Variants in MAPK14 observed in about 807,000 individuals in gnomAD.
MAPK14 encodes CSAID-binding protein.
MAPK14 carries 16 observed loss-of-function variants against 49.6 expected under a neutral mutation model. The ratio of observed to expected loss-of-function variants is 0.32; its 90% confidence interval spans 0.22 to 0.49. The LOEUF (loss-of-function observed/expected upper bound fraction) is 0.49, where lower values mean the gene tolerates loss of function less well. Ranked by LOEUF, MAPK14 falls within the 20% of genes least tolerant of loss-of-function variation. The pLI is 0.99. For missense variants in MAPK14, 200 were observed against 441.2 expected (o/e 0.45, Z 4.90); for synonymous variants, 142 against 158.0 (o/e 0.90, Z 0.76).
At chr6:36,031,940 T>G (rs1762559734) in intron 1 of MAPK14, among the ~76,000 whole-genome samples, 1 of 152,094 alleles carries the variant, frequency 6.6e-6, no homozygotes, top group Non-Finnish European at 1.5e-5. Flanking sequence ...CTCCGAATTT[T>G]ATTTTATTTA....
downstream of MAPK14, among the ~76,000 whole-genome samples, chr6:36,111,445 ACTAT>A (rs60599806): frequency 4.6e-5 from 7 of 152,302 alleles, no homozygotes; most frequent in East Asian, 1.9e-4. Context: ...GACATTTGAG[ACTAT>A]CTATAAGCCA....
At chr6:36,045,114 C>T (rs1763119204) in intron 1 of MAPK14, among the ~76,000 whole-genome samples, 2 of 150,702 alleles carry the variant, frequency 1.3e-5, no homozygotes, top group South Asian at 4.2e-4. Context: ...GCCTGGATGA[C>T]AGAGTGAGAC....
downstream of MAPK14, among the ~76,000 whole-genome samples, chr6:36,111,695 G>T (rs1223924924): frequency 6.6e-6 from 1 of 152,090 alleles, no homozygotes; most frequent in Non-Finnish European, 1.5e-5. Context: ...GGTGTCCTTG[G>T]AATGACACCC....
rs1765921278 is a variant in MAPK14 at position 36,110,123 on chromosome 6, C to T, written c.*1676C>T. ...TCAGGCATTTTGTTCTACATGAGGA[C>T]TCATATATTTAAGCCTTTTGTGTAA... On this transcript the variant is annotated 3_prime_UTR_variant, in exon 12 of 12. Coordinates refer to ENST00000229794, the MANE Select transcript of MAPK14 (RefSeq NM_139012.3). The T allele has an allele frequency of 6.6e-6, 1 of 152,200 alleles. No individual in the cohort carries two copies. Among genetic ancestry groups the T allele is most frequent in the Non-Finnish European group, 1.5e-5 (1 of 68,044 alleles). 9.4% of individuals were successfully genotyped at this position (152,200 alleles called of 1,614,324 possible). A position where few individuals can be genotyped will look rare whatever the true frequency, so the allele number is the denominator to read the frequency against.
intron 10 of MAPK14, among the ~76,000 whole-genome samples, chr6:36,105,311 C>T (rs557584218): frequency 1.3e-5 from 2 of 152,128 alleles, no homozygotes; most frequent in African/African-American, 4.8e-5. Flanking sequence ...GGCACAGTCA[C>T]GGTTCATGAT....
intron 5 of MAPK14, 59 bp from the exon 6 acceptor site, chr6:36,073,990 G>A (rs1272475413): frequency 2.4e-6 from 3 of 1,235,326 alleles, no homozygotes; most frequent in African/African-American, 3.0e-5. Context: ...TTACCTGTAG[G>A]GGGAGAATTG....
chr6:36,092,402 G>C, intron 8 of MAPK14: 2 of 683,014 alleles, frequency 2.9e-6, no homozygotes, highest in Non-Finnish European at 5.4e-6. Flanking sequence ...TTGGTGGTCA[G>C]GACTGTTTCA....
chr6:36,096,430 G>A (rs954337351), intron 9 of MAPK14: 5 of 188,192 alleles, frequency 2.7e-5, no homozygotes, highest in Non-Finnish European at 3.3e-5. Context: ...GAAGTTTCAC[G>A]TATGCTCTAG....
At chr6:36,054,148 G>A (rs1763505233) in intron 2 of MAPK14, among the ~76,000 whole-genome samples, 1 of 152,170 alleles carries the variant, frequency 6.6e-6, no homozygotes, top group Non-Finnish European at 1.5e-5. Flanking sequence ...TTTAAGGGAT[G>A]TGTTTGCGTT....
intron 1 of MAPK14, among the ~76,000 whole-genome samples, chr6:36,047,417 G>C (rs1308778347): frequency 6.6e-6 from 1 of 152,154 alleles, no homozygotes; most frequent in Non-Finnish European, 1.5e-5. Context: ...AGTAGCACAG[G>C]AACAGGTGGA....
the MAPK14 span, among the ~76,000 whole-genome samples, chr6:36,116,517 A>C: frequency 6.6e-6 from 1 of 152,184 alleles, no homozygotes; most frequent in South Asian, 2.1e-4. Context: ...TTCCACCTTC[A>C]TGAATGTCCA....
At chr6:36,031,359 C>T (rs1762536884) in intron 1 of MAPK14, among the ~76,000 whole-genome samples, 1 of 152,022 alleles carries the variant, frequency 6.6e-6, no homozygotes, top group South Asian at 2.1e-4. Context: ...TGGCAGAAAA[C>T]ATTTTTTGGA....
At chr6:36,070,082 G>A (rs1764209697) in intron 3 of MAPK14, among the ~76,000 whole-genome samples, 1 of 152,134 alleles carries the variant, frequency 6.6e-6, no homozygotes, top group Non-Finnish European at 1.5e-5. Context: ...CTGTGATTAG[G>A]ACAGAATACT....
At chr6:36,124,017 GT>G in the MAPK14 span, among the ~76,000 whole-genome samples, 3 of 151,966 alleles carry the variant, frequency 2.0e-5, no homozygotes, top group Admixed American at 1.3e-4. Flanking sequence ...CCACCAGGGG[GT>G]GCTAAAGCTG....
intron 3 of MAPK14, 132 bp downstream of exon 3, chr6:36,059,479 G>A (rs1763720028): frequency 1.5e-6 from 1 of 681,618 alleles, no homozygotes; most frequent in African/African-American, 1.8e-5. Context: ...CTCTTTTTGG[G>A]TGTAGGGATG....
the MAPK14 span, among the ~76,000 whole-genome samples, chr6:36,120,926 C>T: frequency 6.6e-6 from 1 of 152,158 alleles, no homozygotes; most frequent in Non-Finnish European, 1.5e-5. Context: ...GACACTCGTG[C>T]CCTCAAGAAC....
intron 1 of MAPK14, among the ~76,000 whole-genome samples, chr6:36,050,266 C>G (rs1420956498): frequency 1.3e-5 from 2 of 152,086 alleles, no homozygotes; most frequent in African/African-American, 4.8e-5. Flanking sequence ...TGATTATAAT[C>G]ATGGAACAGG....
At chr6:36,035,242 C>T (rs987849721) in intron 1 of MAPK14, among the ~76,000 whole-genome samples, 7 of 152,066 alleles carry the variant, frequency 4.6e-5, no homozygotes, top group African/African-American at 1.4e-4. Flanking sequence ...CGGCAGTTCT[C>T]GCAATATTTC....
chr6:36,118,377 C>T, the MAPK14 span, among the ~76,000 whole-genome samples: 3 of 152,182 alleles, frequency 2.0e-5, no homozygotes, highest in Non-Finnish European at 2.9e-5. Flanking sequence ...TGGAGTTGTT[C>T]GTTGTTTTCA....
Sources: gnomAD v4.1 joint callset for allele counts (sites outside exome capture counted in the v4.1 genomes callset) on GRCh38, gnomAD v4.1.1 for gene constraint, MANE v1.5 for transcripts, NCBI Gene and HGNC (gene_info 2026-07-23, HGNC 2026-07-21) for gene names.